The following PLCB4 variants were observed in gnomAD, a reference collection of about 807,000 sequenced individuals.
PLCB4 encodes the protein phospholipase C beta 4.
PLCB4 carries 77 observed loss-of-function variants against 178.8 expected under a neutral mutation model. The observed-to-expected ratio is 0.43, with a 90% CI of 0.36 to 0.52. PLCB4 has a LOEUF of 0.52. Ranked by LOEUF, PLCB4 falls within the 20% of genes least tolerant of loss-of-function variation. PLCB4 has a pLI of 0.00. For synonymous variants in PLCB4, 496 were observed against 490.8 expected, an observed-to-expected ratio of 1.01 and a Z score of -0.14; for missense variants, 1,024 against 1,453.4, an observed-to-expected ratio of 0.70 and a Z score of 4.80.
intron 9 of PLCB4, among the ~76,000 whole-genome samples, chr20:9,367,442 G>A (rs902443015): frequency 2.6e-5 from 4 of 152,196 alleles, no homozygotes; most frequent in Non-Finnish European, 5.9e-5. Flanking sequence ...AGCCTTGACT[G>A]ATGGTTGTTG....
At chr20:9,478,799 A>C in intron 39 of PLCB4, 122 bp from the exon 40 acceptor site, 1 of 734,786 alleles carries the variant, frequency 1.4e-6, no homozygotes, top group South Asian at 1.6e-5. Context: ...TACATGGACC[A>C]TATTTTGAGT....
chr20:9,293,622 T>C (rs902184471), intron 3 of PLCB4, among the ~76,000 whole-genome samples: 87 of 150,866 alleles, frequency 5.8e-4, no homozygotes, highest in Non-Finnish European at 3.7e-4. Flanking sequence ...CAGAGTAAAA[T>C]ATTCATTCAT....
Position 9,338,063 on chromosome 20 carries a change from C to G in PLCB4, c.221C>G (p.Pro74Arg), listed in dbSNP as rs1309237908. Reference protein sequence around the residue: ...LINSIRSGAIPKDPKILAALE... With the variant: ...LINSIRSGAIRKDPKILAALE... ...AACAGTATTCGGTCGGGAGCCATAC[C>G]AAAGGTACCTGTGATTGGTATTTGC... The change falls in exon 6 of 40, where the codon CCA becomes CGA. Residue 74 changes from proline to arginine, a missense_variant. Coordinates refer to ENST00000378473, the MANE Select transcript of PLCB4 (RefSeq NM_001377142.1). 6.2e-7 allele frequency: 1 copy of G among 1,604,042 alleles called. No homozygotes were observed. The highest frequency in any genetic ancestry group is 8.5e-7 in the Non-Finnish European group (1 of 1,171,340).
chr20:9,216,302 T>C (rs2093730988), intron 2 of PLCB4, among the ~76,000 whole-genome samples: 1 of 150,580 alleles, frequency 6.6e-6, no homozygotes, highest in East Asian at 2.0e-4. Flanking sequence ...GCTGCAAGCT[T>C]CGCCTCCCAG....
chr20:9,089,556 T>A (rs982641664), intron 1 of PLCB4, among the ~76,000 whole-genome samples: 3 of 152,178 alleles, frequency 2.0e-5, no homozygotes, highest in African/African-American at 7.2e-5. Flanking sequence ...CTTCCTTTGA[T>A]CTATATTTAA....
intron 7 of PLCB4, among the ~76,000 whole-genome samples, chr20:9,356,969 G>A (rs879183447): frequency 6.6e-6 from 1 of 151,978 alleles, no homozygotes; most frequent in Admixed American, 6.6e-5. Flanking sequence ...TACCAAAATT[G>A]GCTGGGTGTG....
intron 32 of PLCB4, 25 bp downstream of exon 32, chr20:9,444,268 TTG>T: frequency 7.2e-7 from 1 of 1,398,058 alleles, no homozygotes; most frequent in Non-Finnish European, 1.0e-6. Flanking sequence ...AGCTACTATT[TTG>T]TGTTATGTAT....
intron 3 of PLCB4, among the ~76,000 whole-genome samples, chr20:9,229,282 C>T (rs908266634): frequency 6.6e-6 from 1 of 152,106 alleles, no homozygotes; most frequent in Non-Finnish European, 1.5e-5. Flanking sequence ...TCTCATTAAA[C>T]GGGTACAGAA....
intron 6 of PLCB4, 22 bp downstream of exon 6, chr20:9,338,089 T>C (rs748330325): frequency 6.5e-7 from 1 of 1,534,626 alleles, no homozygotes; most frequent in Non-Finnish European, 9.0e-7. Context: ...TGGTATTTGC[T>C]TTTCTAAACA....
intron 2 of PLCB4, among the ~76,000 whole-genome samples, chr20:9,116,314 G>A (rs2091777405): frequency 6.6e-6 from 1 of 151,824 alleles, no homozygotes; most frequent in Admixed American, 6.6e-5. Flanking sequence ...TTATACTCTT[G>A]TCTCATGTAT....
intron 11 of PLCB4, 43 bp downstream of exon 11, chr20:9,372,446 T>C (rs776856752): frequency 4.1e-6 from 4 of 970,030 alleles, no homozygotes; most frequent in Admixed American, 4.2e-5. Flanking sequence ...ATATTATCAC[T>C]GTCCTTTTCG....
chr20:9,223,701 T>G (rs1232574935), intron 3 of PLCB4, among the ~76,000 whole-genome samples: 1 of 152,240 alleles, frequency 6.6e-6, no homozygotes, highest in Non-Finnish European at 1.5e-5. Context: ...GAAGCAGCAT[T>G]GCTTTATGAC....
intron 3 of PLCB4, among the ~76,000 whole-genome samples, chr20:9,217,804 C>T (rs915237120): frequency 6.6e-6 from 1 of 152,076 alleles, no homozygotes; most frequent in African/African-American, 2.4e-5. Context: ...GTTTTCAGTC[C>T]TGTGCAGATT....
At chr20:9,086,693 G>T (rs914167757) in intron 1 of PLCB4, among the ~76,000 whole-genome samples, 1 of 152,138 alleles carries the variant, frequency 6.6e-6, no homozygotes, top group African/African-American at 2.4e-5. Context: ...TAGCTACCAA[G>T]TTGACAGTTT....
At chr20:9,137,745 GTT>G (rs10717027) in intron 2 of PLCB4, among the ~76,000 whole-genome samples, 3,540 of 139,982 alleles carry the variant, frequency 0.025, 111 homozygotes, top group African/African-American at 0.081. Flanking sequence ...TTTTTCTCAA[GTT>G]TTTTTTTTTT....
At chr20:9,416,407 C>T (rs1253770124) in intron 25 of PLCB4, among the ~76,000 whole-genome samples, 1 of 152,114 alleles carries the variant, frequency 6.6e-6, no homozygotes, top group African/African-American at 2.4e-5. Flanking sequence ...ATCCAAGTCC[C>T]GACCTTCCTC....
intron 2 of PLCB4, among the ~76,000 whole-genome samples, chr20:9,157,525 T>C (rs967201574): frequency 3.9e-5 from 6 of 152,128 alleles, no homozygotes; most frequent in African/African-American, 1.4e-4. Context: ...AGAAGGAAAC[T>C]ATAGTGTGGA....
chr20:9,449,340 G>A (rs2042607618), intron 32 of PLCB4, among the ~76,000 whole-genome samples: 1 of 151,944 alleles, frequency 6.6e-6, no homozygotes, highest in Non-Finnish European at 1.5e-5. Context: ...TGTTAGAAGG[G>A]GAATTACAAT....
chr20:9,112,508 C>T (rs2091617830), intron 2 of PLCB4, among the ~76,000 whole-genome samples: 1 of 152,052 alleles, frequency 6.6e-6, no homozygotes. Context: ...CCCACTTCGA[C>T]CTCCCAAAGT....
Sources: allele counts gnomAD v4.1 joint callset (sites outside exome capture counted in the v4.1 genomes callset), GRCh38; gene constraint gnomAD v4.1.1; transcripts MANE v1.5; gene names NCBI Gene and HGNC (gene_info 2026-07-23, HGNC 2026-07-21).